The following LDLRAD4 variants were observed in gnomAD, a reference collection of about 807,000 sequenced individuals.
LDLRAD4 encodes the protein low density lipoprotein receptor class A domain containing 4, also known as low-density lipoprotein receptor class A domain-containing protein 4.
In LDLRAD4, 5 loss-of-function variants were observed where a neutral mutation model predicts 17.0. The observed-to-expected ratio is 0.29, with a 90% CI of 0.15 to 0.62. LDLRAD4 has a LOEUF of 0.62. Ranked by LOEUF, LDLRAD4 falls within the 20% of genes least tolerant of loss-of-function variation. LDLRAD4 has a pLI of 0.84. For missense variants in LDLRAD4, 340 were observed against 424.7 expected, an observed-to-expected ratio of 0.80 and a Z score of 1.75; for synonymous variants, 168 against 171.8, an observed-to-expected ratio of 0.98 and a Z score of 0.17.
intron 3 of LDLRAD4, chr18:13,514,535 ACGAGGTAATGGGAAAGG>A (rs1182717285): frequency 4.6e-5 from 7 of 152,246 alleles, no homozygotes; most frequent in African/African-American, 1.4e-4. Context: ...ATAGAGACAG[ACGAGGTAATGGGAAAGG>A]CTGACATCAT....
chr18:13,370,002 C>A (rs567326814), intron 1 of LDLRAD4, among the ~76,000 whole-genome samples: 19 of 152,344 alleles, frequency 1.2e-4, no homozygotes, highest in Non-Finnish European at 2.5e-4. Context: ...CACTAGAATG[C>A]GTCTCCATTA....
intron 1 of LDLRAD4, among the ~76,000 whole-genome samples, chr18:13,326,795 G>A (rs185326392): frequency 1.3e-4 from 20 of 151,682 alleles, no homozygotes; most frequent in African/African-American, 4.8e-4. Flanking sequence ...GTGAGATGGA[G>A]TCTCGCTCTG....
exon 2 of LDLRAD4, chr18:13,387,451 G>A: frequency 2.5e-6 from 1 of 392,346 alleles, no homozygotes; most frequent in Non-Finnish European, 4.6e-6. Context: ...GTGTTCTGAG[G>A]GCCTGAGGGC....
At chr18:13,240,470 C>T (rs570185609) in intron 1 of LDLRAD4, 3 of 152,426 alleles carry the variant, frequency 2.0e-5, no homozygotes, top group African/African-American at 4.8e-5. Context: ...GCTTCAGCCT[C>T]CCTCGGCCTT....
At chr18:13,517,743 T>G (rs1019284014) in intron 3 of LDLRAD4, among the ~76,000 whole-genome samples, 10 of 134,386 alleles carry the variant, frequency 7.4e-5, no homozygotes, top group South Asian at 4.7e-4. Flanking sequence ...CTTTCTTTTT[T>G]TTTGTTTGTT....
At chr18:13,464,245 T>C (rs549770381) in intron 3 of LDLRAD4, among the ~76,000 whole-genome samples, 1 of 152,364 alleles carries the variant, frequency 6.6e-6, no homozygotes, top group East Asian at 1.9e-4. Flanking sequence ...GGCCACATTT[T>C]CTATTATGGT....
chr18:13,290,663 C>T (rs1309437831), intron 1 of LDLRAD4, among the ~76,000 whole-genome samples: 1 of 151,994 alleles, frequency 6.6e-6, no homozygotes, highest in Non-Finnish European at 1.5e-5. Context: ...TGTTTACCTT[C>T]AGATGTGTGA....
intron 3 of LDLRAD4, among the ~76,000 whole-genome samples, chr18:13,566,789 G>C (rs1254786198): frequency 2.0e-5 from 3 of 152,240 alleles, no homozygotes; most frequent in Non-Finnish European, 4.4e-5. Flanking sequence ...CCCCCAAAAA[G>C]AGAGGATTTA....
At chr18:13,319,616 C>T (rs1027897463) in intron 1 of LDLRAD4, among the ~76,000 whole-genome samples, 8 of 152,216 alleles carry the variant, frequency 5.3e-5, no homozygotes, top group African/African-American at 7.2e-5. Flanking sequence ...CTGTAACTTA[C>T]GACCAGGGAT....
chr18:13,254,461 G>C (rs920827098), intron 1 of LDLRAD4, among the ~76,000 whole-genome samples: 1 of 152,166 alleles, frequency 6.6e-6, no homozygotes, highest in East Asian at 1.9e-4. Flanking sequence ...GGGCTGGCGC[G>C]GACAGAGAGA....
At chr18:13,416,111 T>C (rs997287464) in intron 2 of LDLRAD4, among the ~76,000 whole-genome samples, 1 of 152,228 alleles carries the variant, frequency 6.6e-6, no homozygotes, top group Non-Finnish European at 1.5e-5. Flanking sequence ...GTCCTCACTC[T>C]GCTGAGTCCA....
rs1601827817 is a variant in LDLRAD4 at position 13,632,846 on chromosome 18, G to T, written c.337-10513G>T. 2.0e-5 allele frequency among the ~76,000 whole-genome samples: 3 copies of T among 152,266 alleles called. No homozygotes were observed. In the East Asian group the frequency reaches 5.8e-4, roughly 29 times the overall value. ...GCTCTCAGGAGACCCAGACTGGATAGCTCCTTTCTGTAGGCAGGTCATCCT... is the reference window on the plus strand; with the variant it reads ...GCTCTCAGGAGACCCAGACTGGATATCTCCTTTCTGTAGGCAGGTCATCCT... On this transcript the variant is annotated intron_variant, in intron 4 of 5. Coordinates refer to ENST00000359446, the Ensembl canonical transcript of LDLRAD4.
rs953205439 is a variant in LDLRAD4, at chr18:13,403,347, C to T, written c.40+15585C>T. Among the ~76,000 whole-genome samples, 3 of 152,318 alleles carry T rather than the reference C, an allele frequency of 2.0e-5. No individual in the cohort carries two copies. In the East Asian group the frequency reaches 5.8e-4, roughly 29 times the overall value. On this transcript the variant is annotated intron_variant, in intron 2 of 5. Coordinates refer to ENST00000359446, the Ensembl canonical transcript of LDLRAD4. The stretch of plus-strand genomic sequence containing the variant: ...AAATAAAACATGGGGACTGGAGTCT[C>T]TCTTCTGTGGTGAAAAATATATCGG...
chr18:13,275,202 T>C (rs2146187207), upstream of LDLRAD4, among the ~76,000 whole-genome samples: 1 of 152,290 alleles, frequency 6.6e-6, no homozygotes, highest in East Asian at 1.9e-4. Flanking sequence ...TAAAAATGAG[T>C]CACAAATTCT....
At chr18:13,480,686 T>G (rs1210831229) in intron 3 of LDLRAD4, among the ~76,000 whole-genome samples, 2 of 152,216 alleles carry the variant, frequency 1.3e-5, no homozygotes, top group African/African-American at 4.8e-5. Context: ...GAGAAATCTC[T>G]GCATGTTCCT....
At chr18:13,280,592 G>A (rs1307703905) in intron 1 of LDLRAD4, among the ~76,000 whole-genome samples, 4 of 152,164 alleles carry the variant, frequency 2.6e-5, no homozygotes, top group African/African-American at 7.2e-5. Context: ...TGCTGCTGAC[G>A]TGATTAAGCA....
At chr18:13,314,886 C>T (rs2080844601) in intron 1 of LDLRAD4, among the ~76,000 whole-genome samples, 1 of 152,112 alleles carries the variant, frequency 6.6e-6, no homozygotes, top group Admixed American at 6.6e-5. Context: ...GAAGGGAAAG[C>T]TATTATTATT....
chr18:13,400,810 C>T (rs1209213036), intron 2 of LDLRAD4, among the ~76,000 whole-genome samples: 1 of 152,138 alleles, frequency 6.6e-6, no homozygotes, highest in East Asian at 1.9e-4. Context: ...GCCGCGGAGG[C>T]CCACTCCTAG....
upstream of LDLRAD4, among the ~76,000 whole-genome samples, chr18:13,277,668 C>G (rs2044972427): frequency 6.6e-6 from 1 of 152,234 alleles, no homozygotes; most frequent in Non-Finnish European, 1.5e-5. Context: ...GCCTGCCCGT[C>G]TTAGGTGGGC....
Sources: gnomAD v4.1 joint callset for allele counts (sites outside exome capture counted in the v4.1 genomes callset) on GRCh38, gnomAD v4.1.1 for gene constraint, MANE v1.5 for transcripts, NCBI Gene and HGNC (gene_info 2026-07-23, HGNC 2026-07-21) for gene names.